The following MAN1A1 variants were observed in gnomAD, a reference collection of about 807,000 sequenced individuals.
MAN1A1 encodes the protein mannosyl-oligosaccharide 1,2-alpha-mannosidase IA.
MAN1A1 carries 29 observed loss-of-function variants against 70.8 expected under a neutral mutation model. That is an observed-to-expected ratio of 0.41 (90% CI 0.31 to 0.56). The LOEUF (loss-of-function observed/expected upper bound fraction) is 0.56. Ranked by LOEUF, MAN1A1 falls within the 20% of genes least tolerant of loss-of-function variation. MAN1A1 has a pLI of 0.29. For synonymous variants in MAN1A1, 349 were observed against 330.1 expected (o/e 1.06, Z -0.62); for missense variants, 747 against 841.3 (o/e 0.89, Z 1.39).
intron 5 of MAN1A1, among the ~76,000 whole-genome samples, chr6:119,256,671 T>C (rs995731885): frequency 6.6e-6 from 1 of 152,124 alleles, no homozygotes; most frequent in Non-Finnish European, 1.5e-5. Flanking sequence ...TCAGGAGCCC[T>C]AGGTTCTGGT....
At chr6:119,288,709 A>C (rs1040830049) in intron 5 of MAN1A1, among the ~76,000 whole-genome samples, 13 of 151,988 alleles carry the variant, frequency 8.6e-5, no homozygotes, top group Non-Finnish European at 4.4e-5. Flanking sequence ...AATATTATTC[A>C]AAATAAAAAG....
At chr6:119,218,878 T>G (rs893640772) in intron 6 of MAN1A1, among the ~76,000 whole-genome samples, 2 of 152,082 alleles carry the variant, frequency 1.3e-5, no homozygotes, top group African/African-American at 4.8e-5. Flanking sequence ...TATCTGTTTT[T>G]TTTTTAATTA....
At chr6:119,180,519 A>T (rs934671184) in intron 11 of MAN1A1, 92 bp from the exon 12 acceptor site, 12 of 571,302 alleles carry the variant, frequency 2.1e-5, no homozygotes, top group East Asian at 9.9e-5. Context: ...CAGATAAAAC[A>T]TTTTTTTTTT....
In MAN1A1 at chr6:119,226,099, A is replaced by G. The variant is rs115643524; in HGVS notation, c.993-21217T>C. Among the ~76,000 whole-genome samples, 841 of 152,350 alleles carry G rather than the reference A, an allele frequency of 5.5e-3. 8 individuals are homozygous for G. Among genetic ancestry groups the G allele is most frequent in the African/African-American group, 0.019 (796 of 41,578 alleles). On this transcript the variant is annotated intron_variant, in intron 6 of 12. Transcript: ENST00000368468. ...GTTCCTATAATTTACTTGAAATACA[A>G]TACTAACTCTAAGTAAATTGTAATC...
At chr6:119,320,636 A>G (rs576326819) in intron 2 of MAN1A1, among the ~76,000 whole-genome samples, 24 of 152,276 alleles carry the variant, frequency 1.6e-4, no homozygotes, top group African/African-American at 5.5e-4. Flanking sequence ...AAAAACAAAA[A>G]AAAAAAGAGG....
intron 4 of MAN1A1, among the ~76,000 whole-genome samples, chr6:119,299,536 T>C (rs937244815): frequency 2.0e-5 from 3 of 152,108 alleles, no homozygotes; most frequent in African/African-American, 7.2e-5. Context: ...TTAACAGGCC[T>C]AAAATATATA....
rs149925370 is a variant in MAN1A1 at position 119,253,265 on chromosome 6, C to T, written c.898-4911G>A. 4.6e-3 allele frequency among the ~76,000 whole-genome samples: 693 copies of T among 152,228 alleles called. 1 individual carries two copies. Among genetic ancestry groups the T allele is most frequent in the Non-Finnish European group, 8.1e-3 (548 of 68,012 alleles). On this transcript the variant is annotated intron_variant, in intron 5 of 12. Coordinates refer to ENST00000368468, the MANE Select transcript of MAN1A1 (RefSeq NM_005907.4). ...TTGGTGGTCTGCTGCCGGTGAGATA[C>T]ACTACAGCTTTCTGAACCCTGGTGA...
chr6:119,199,006 A>G (rs1773646386), intron 8 of MAN1A1, among the ~76,000 whole-genome samples: 1 of 152,230 alleles, frequency 6.6e-6, no homozygotes, highest in Non-Finnish European at 1.5e-5. Flanking sequence ...CTTGTACTTT[A>G]CACAGATTGT....
At chr6:119,261,652 T>C (rs534302478) in intron 5 of MAN1A1, among the ~76,000 whole-genome samples, 2 of 152,304 alleles carry the variant, frequency 1.3e-5, no homozygotes, top group South Asian at 4.1e-4. Context: ...CCATCAACCT[T>C]ACCACATACA....
chr6:119,256,086 T>C (rs1325050784), intron 5 of MAN1A1, among the ~76,000 whole-genome samples: 1 of 152,228 alleles, frequency 6.6e-6, no homozygotes, highest in Admixed American at 6.5e-5. Flanking sequence ...CTTGTTTTTT[T>C]TCAAAATAAA....
At chr6:119,308,697 C>T (rs1772599520) in intron 2 of MAN1A1, among the ~76,000 whole-genome samples, 1 of 152,012 alleles carries the variant, frequency 6.6e-6, no homozygotes, top group Non-Finnish European at 1.5e-5. Context: ...CTCTGAAAGA[C>T]TAGGTATATA....
intron 2 of MAN1A1, among the ~76,000 whole-genome samples, chr6:119,331,582 T>TATATATATACATATATATATATATAC (rs1554216777): frequency 6.9e-6 from 1 of 144,738 alleles, no homozygotes; most frequent in African/African-American, 2.6e-5. Context: ...TATATATATA[T>TATATATATACATATATATATATATAC]ATATATATAT....
At chr6:119,348,204 C>A (rs1281459593) in intron 2 of MAN1A1, among the ~76,000 whole-genome samples, 1 of 152,206 alleles carries the variant, frequency 6.6e-6, no homozygotes, top group Admixed American at 6.5e-5. Flanking sequence ...TTTATACCCA[C>A]CTCGTGTGGC....
At chr6:119,250,678 G>A (rs150325047) in intron 5 of MAN1A1, among the ~76,000 whole-genome samples, 3 of 151,302 alleles carry the variant, frequency 2.0e-5, no homozygotes, top group South Asian at 2.1e-4. Flanking sequence ...GTGTGTGTGC[G>A]TGTCAGTTAC....
intron 11 of MAN1A1, among the ~76,000 whole-genome samples, chr6:119,183,359 G>A (rs548187743): frequency 4.5e-4 from 69 of 152,072 alleles, no homozygotes; most frequent in African/African-American, 1.6e-3. Flanking sequence ...AATGGAGGAT[G>A]AGCATGAAGA....
intron 2 of MAN1A1, among the ~76,000 whole-genome samples, chr6:119,347,215 A>G (rs1041270333): frequency 6.6e-6 from 1 of 152,146 alleles, no homozygotes; most frequent in African/African-American, 2.4e-5. Context: ...TGATCTTATA[A>G]TACAAAGTCA....
rs1237953010 is a variant in MAN1A1, at chr6:119,348,567, G to A, written c.499C>T (p.Pro167Ser). The stretch of plus-strand genomic sequence containing the variant: ...TCCACCGGGGGCAGGCCTCTGAACG[G>A]CGCCTTGTCACGCAGCTGGTCCTGG... ...VAQDQLRDKAPFRGLPPVDFV... is the reference protein window; with the variant it reads ...VAQDQLRDKASFRGLPPVDFV... The change falls in exon 2 of 13, where the codon CCG (proline) becomes TCG (serine). Residue 167 changes from proline (P) to serine (S), a missense_variant. Pro to Ser is a moderately conservative substitution (Grantham distance 74). Transcript: ENST00000368468. 6.2e-7 allele frequency: 1 copy of A among 1,613,764 alleles called. No individual in the cohort carries two copies. Among genetic ancestry groups the A allele is most frequent in the Non-Finnish European group, 8.5e-7 (1 of 1,179,860 alleles).
At chr6:119,286,990 T>C (rs533171091) in intron 5 of MAN1A1, among the ~76,000 whole-genome samples, 73 of 152,212 alleles carry the variant, frequency 4.8e-4, no homozygotes, top group African/African-American at 1.7e-3. Context: ...TCAGGAATTA[T>C]CTATACTTCC....
chr6:119,222,671 A>G (rs1024949870), intron 6 of MAN1A1, among the ~76,000 whole-genome samples: 10 of 152,148 alleles, frequency 6.6e-5, no homozygotes, highest in African/African-American at 2.4e-4. Flanking sequence ...AATGATCTTG[A>G]TTTCATTTTC....
Sources: allele counts gnomAD v4.1 joint callset (sites outside exome capture counted in the v4.1 genomes callset), GRCh38; gene constraint gnomAD v4.1.1; transcripts MANE v1.5; gene names NCBI Gene and HGNC (gene_info 2026-07-23, HGNC 2026-07-21).